Variants in PXDNL observed in about 807,000 individuals in gnomAD.
PXDNL encodes the protein probable oxidoreductase PXDNL.
PXDNL carries 145 observed loss-of-function variants against 150.8 expected under a neutral mutation model. The observed-to-expected ratio is 0.96, with a 90% CI of 0.84 to 1.10. PXDNL has a LOEUF of 1.10. PXDNL is among the 50% of genes least tolerant of loss of function. The probability of loss-of-function intolerance (pLI) is 0.00; values close to 1 mark genes in which losing one functional copy is unlikely to be tolerated. For missense variants in PXDNL, 2,087 were observed against 1,873.9 expected (o/e 1.11, Z -2.10); for synonymous variants, 757 against 725.7 (o/e 1.04, Z -0.69).
At chr8:51,342,344 A>G (rs1345553663) in intron 20 of PXDNL, among the ~76,000 whole-genome samples, 2 of 152,014 alleles carry the variant, frequency 1.3e-5, no homozygotes, top group African/African-American at 4.8e-5. Flanking sequence ...TTATATTTTT[A>G]GTTTATTATT....
intron 1 of PXDNL, among the ~76,000 whole-genome samples, chr8:51,696,836 C>CCACAT (rs1816153427): frequency 6.9e-6 from 1 of 144,424 alleles, no homozygotes; most frequent in Non-Finnish European, 1.5e-5. Context: ...CACACACACA[C>CCACAT]ACAGGTCCTG....
intron 17 of PXDNL, among the ~76,000 whole-genome samples, chr8:51,382,314 G>A (rs2130814118): frequency 6.6e-6 from 1 of 152,280 alleles, no homozygotes; most frequent in African/African-American, 2.4e-5. Context: ...TCCTGAGGAA[G>A]CGTGGCCCTG....
chr8:51,486,788 ATATATATTTTTTTTTTTTTT>A (rs1441311414), intron 5 of PXDNL, among the ~76,000 whole-genome samples: 49 of 23,724 alleles, frequency 2.1e-3, no homozygotes, highest in African/African-American at 7.3e-3. Context: ...ATATATATAT[ATATATATTTTTTTTTTTTTT>A]TTTTTTTTTT....
chr8:51,491,177 C>A (rs950613147), intron 5 of PXDNL, among the ~76,000 whole-genome samples: 3 of 152,162 alleles, frequency 2.0e-5, no homozygotes, highest in African/African-American at 4.8e-5. Context: ...CTTAGACTGG[C>A]TTCCTTACTC....
chr8:51,446,670 A>G (rs1809683544), intron 12 of PXDNL, among the ~76,000 whole-genome samples: 1 of 152,186 alleles, frequency 6.6e-6, no homozygotes, highest in Non-Finnish European at 1.5e-5. Flanking sequence ...AGTGAGATTC[A>G]GCACGTCAGG....
At chr8:51,564,180 C>T (rs1261381670) in intron 3 of PXDNL, among the ~76,000 whole-genome samples, 1 of 151,900 alleles carries the variant, frequency 6.6e-6, no homozygotes, top group Non-Finnish European at 1.5e-5. Flanking sequence ...GACGCAGCTG[C>T]TTCAAGTTCT....
intron 4 of PXDNL, among the ~76,000 whole-genome samples, chr8:51,504,361 C>T (rs1038623871): frequency 7.2e-5 from 11 of 152,118 alleles, no homozygotes; most frequent in African/African-American, 2.7e-4. Context: ...CCCCTTTATC[C>T]CCTTCTTGCT....
intron 19 of PXDNL, among the ~76,000 whole-genome samples, chr8:51,369,919 C>G (rs556330040): frequency 2.0e-5 from 3 of 152,236 alleles, no homozygotes; most frequent in South Asian, 4.2e-4. Context: ...AGCCCTCCTC[C>G]GAGTCTTCAA....
At chr8:51,457,446 A>G in intron 9 of PXDNL, 52 bp downstream of exon 9, 5 of 1,388,090 alleles carry the variant, frequency 3.6e-6, no homozygotes, top group Non-Finnish European at 5.0e-6. Flanking sequence ...CAGCAATATT[A>G]GATCATTTTC....
chr8:51,668,176 C>CTCT (rs1554564343), intron 1 of PXDNL, among the ~76,000 whole-genome samples: 1 of 77,386 alleles, frequency 1.3e-5, no homozygotes, highest in African/African-American at 5.4e-5. Context: ...CTCGCTCTCT[C>CTCT]TTTTTTTTTT....
chr8:51,358,685 A>C (rs2976994), intron 19 of PXDNL, among the ~76,000 whole-genome samples: 115,981 of 151,976 alleles, frequency 0.76, 44,481 homozygotes, highest in East Asian at 0.94. Context: ...CACGCGGACA[A>C]TGAGCTCACA....
At chr8:51,718,964 G>T (rs1816670260) in intron 1 of PXDNL, among the ~76,000 whole-genome samples, 1 of 151,226 alleles carries the variant, frequency 6.6e-6, no homozygotes, top group South Asian at 2.1e-4. Context: ...CCCCCACCCG[G>T]CCAGCCACCC....
chr8:51,490,727 A>AGTGTGTGT (rs35415972), intron 5 of PXDNL, among the ~76,000 whole-genome samples: 166 of 147,304 alleles, frequency 1.1e-3, no homozygotes, highest in African/African-American at 3.6e-3. Flanking sequence ...TTGACTTTCT[A>AGTGTGTGT]GTGTGTGTGT....
At chr8:51,329,683 T>TA (rs1305789843) in intron 21 of PXDNL, among the ~76,000 whole-genome samples, 2 of 151,996 alleles carry the variant, frequency 1.3e-5, no homozygotes, top group Non-Finnish European at 2.9e-5. Context: ...AGTAGAGAGA[T>TA]AAAAATGCAA....
intron 12 of PXDNL, among the ~76,000 whole-genome samples, chr8:51,431,295 C>T (rs954191970): frequency 1.3e-5 from 2 of 152,180 alleles, no homozygotes; most frequent in Admixed American, 1.3e-4. Context: ...CTTATTTCTG[C>T]ATGACCCAGC....
intron 17 of PXDNL, among the ~76,000 whole-genome samples, chr8:51,377,274 T>C (rs936893905): frequency 1.3e-5 from 2 of 150,516 alleles, no homozygotes; most frequent in Admixed American, 6.6e-5. Context: ...TTTTTTTTTC[T>C]TTTTAAGAGA....
intron 1 of PXDNL, among the ~76,000 whole-genome samples, chr8:51,733,478 A>C (rs1816971170): frequency 6.6e-6 from 1 of 152,156 alleles, no homozygotes; most frequent in Non-Finnish European, 1.5e-5. Context: ...GGAAACATGA[A>C]GGAGGGAAGA....
chr8:51,419,650 G>A (rs986151815), intron 14 of PXDNL, among the ~76,000 whole-genome samples: 4 of 152,118 alleles, frequency 2.6e-5, no homozygotes, highest in Admixed American at 6.5e-5. Context: ...TCACGAGGAC[G>A]AAATGAGTCT....
At chr8:51,341,953 G>T (rs1264008798) in intron 20 of PXDNL, among the ~76,000 whole-genome samples, 2 of 152,128 alleles carry the variant, frequency 1.3e-5, no homozygotes, top group Non-Finnish European at 2.9e-5. Context: ...CCACGCCTGG[G>T]TATACAGCCA....
Sources: allele counts gnomAD v4.1 joint callset (sites outside exome capture counted in the v4.1 genomes callset), GRCh38; gene constraint gnomAD v4.1.1; transcripts MANE v1.5; gene names NCBI Gene and HGNC (gene_info 2026-07-23, HGNC 2026-07-21).